ADGRL3: variants seen among roughly 807,000 people sequenced by gnomAD.
ADGRL3 encodes the protein calcium-independent alpha-latrotoxin receptor 3.
ADGRL3 carries 62 observed loss-of-function variants against 153.5 expected under a neutral mutation model. The observed-to-expected ratio is 0.40, with a 90% CI of 0.33 to 0.50. ADGRL3 has a LOEUF of 0.50. ADGRL3 is among the 20% of genes least tolerant of loss of function. The probability of loss-of-function intolerance (pLI) is 0.47; values close to 1 mark genes in which losing one functional copy is unlikely to be tolerated. For missense variants in ADGRL3, 1,641 were observed against 1,859.4 expected (o/e 0.88, Z 2.16); for synonymous variants, 710 against 672.5 (o/e 1.06, Z -0.86).
In ADGRL3 at chr4:62,071,957, A is replaced by G. The variant is rs971573350; in HGVS notation, c.*1049A>G. 11 of 249,280 alleles carry G rather than the reference A, an allele frequency of 4.4e-5. No homozygotes were observed. The highest frequency in any genetic ancestry group is 8.6e-5 in the Non-Finnish European group (11 of 127,170). The allele number at this position is 249,280 out of a possible 1,614,324, so 15.4% of individuals were successfully genotyped here. On this transcript the variant is annotated 3_prime_UTR_variant, in exon 27 of 27. Coordinates refer to ENST00000683033, the MANE Select transcript of ADGRL3 (RefSeq NM_001387552.1). ...GTTTTTTGCAAATTAGAGCAGGACA[A>G]ACTTTTATGTTTACAGGGCACGTCT...
rs533387166 is a variant in ADGRL3 at position 61,920,787 on chromosome 4, C to G, written c.2112+8030C>G. Among the ~76,000 whole-genome samples the G allele has an allele frequency of 1.5e-3, 228 of 152,166 alleles. 2 individuals are homozygous for G. Among genetic ancestry groups the G allele is most frequent in the South Asian group, 4.4e-3 (21 of 4,796 alleles). On this transcript the variant is annotated intron_variant, in intron 13 of 26. Transcript: ENST00000683033. The stretch of plus-strand genomic sequence containing the variant: ...GGATAAGTATCAGAAGGATTTGTCC[C>G]TTTTAGTACTTTCCAGGAGTCTCTC...
chr4:61,672,878 G>A (rs553823954), intron 5 of ADGRL3, among the ~76,000 whole-genome samples: 4 of 152,078 alleles, frequency 2.6e-5, no homozygotes, highest in Admixed American at 2.0e-4. Context: ...GTAGTCTCAC[G>A]TTCCTTGCAG....
At chr4:61,369,750 AG>A (rs2096483631) in intron 1 of ADGRL3, among the ~76,000 whole-genome samples, 9 of 152,190 alleles carry the variant, frequency 5.9e-5, no homozygotes, top group Admixed American at 5.9e-4. Context: ...TCATAAAATG[AG>A]TTAGGGAGGA....
intron 4 of ADGRL3, among the ~76,000 whole-genome samples, chr4:61,543,675 C>T (rs1415652258): frequency 6.6e-6 from 1 of 152,168 alleles, no homozygotes; most frequent in Non-Finnish European, 1.5e-5. Context: ...TCCAGTCTTA[C>T]TTTCAAAGTT....
chr4:61,992,863 T>G (rs2150995486), intron 19 of ADGRL3, among the ~76,000 whole-genome samples: 1 of 152,272 alleles, frequency 6.6e-6, no homozygotes, highest in African/African-American at 2.4e-5. Flanking sequence ...AGGCTATAAT[T>G]TTACTTTAAC....
In ADGRL3 at chr4:61,902,046, T is replaced by C. The variant is rs894731827; in HGVS notation, c.1887+6212T>C. The stretch of plus-strand genomic sequence containing the variant: ...TTGAGGCACATTCAACATATATGTA[T>C]ATTTTTATATGGAAATAAGATCATT... On this transcript the variant is annotated intron_variant, in intron 11 of 26. Transcript: ENST00000683033. Among the ~76,000 whole-genome samples the C allele has an allele frequency of 2.6e-5, 4 of 152,210 alleles. No homozygotes were observed. The South Asian group carries it at 6.2e-4, about 24-fold the overall frequency.
At chr4:61,689,093 A>G (rs1385368172) in intron 6 of ADGRL3, among the ~76,000 whole-genome samples, 1 of 152,126 alleles carries the variant, frequency 6.6e-6, no homozygotes, top group Non-Finnish European at 1.5e-5. Flanking sequence ...TTATTTTGTC[A>G]CTGAAATTTC....
At chr4:61,582,916 T>G (rs1205132029) in intron 4 of ADGRL3, among the ~76,000 whole-genome samples, 1 of 152,010 alleles carries the variant, frequency 6.6e-6, no homozygotes, top group Non-Finnish European at 1.5e-5. Context: ...CTAGAAACAC[T>G]CACTTAGCTA....
At chr4:61,923,291 T>G (rs1274006619) in intron 13 of ADGRL3, among the ~76,000 whole-genome samples, 1 of 152,222 alleles carries the variant, frequency 6.6e-6, no homozygotes, top group African/African-American at 2.4e-5. Context: ...TATCCTTGTG[T>G]AGATGATTTA....
chr4:61,364,105 G>A (rs562738195), intron 1 of ADGRL3, among the ~76,000 whole-genome samples: 1 of 151,906 alleles, frequency 6.6e-6, no homozygotes, highest in South Asian at 2.1e-4. Context: ...GCCAAGCCGG[G>A]TGGATCACAA....
chr4:61,417,516 T>C (rs957518278), intron 2 of ADGRL3, among the ~76,000 whole-genome samples: 1 of 146,540 alleles, frequency 6.8e-6, no homozygotes, highest in African/African-American at 2.5e-5. Context: ...AAAACAAACA[T>C]CAAACAAAAA....
At chr4:61,216,232 A>G (rs1742714071) in intron 1 of ADGRL3, among the ~76,000 whole-genome samples, 1 of 152,308 alleles carries the variant, frequency 6.6e-6, no homozygotes, top group South Asian at 2.1e-4. Flanking sequence ...AAGTGACATA[A>G]TGAAGATGTT....
At chr4:61,456,216 G>A (rs1015693631) in intron 2 of ADGRL3, among the ~76,000 whole-genome samples, 1 of 150,948 alleles carries the variant, frequency 6.6e-6, no homozygotes, top group Non-Finnish European at 1.5e-5. Flanking sequence ...ATAAAAAAGA[G>A]GATATATATG....
chr4:61,242,709 G>A (rs1330951373), intron 1 of ADGRL3, among the ~76,000 whole-genome samples: 1 of 151,998 alleles, frequency 6.6e-6, no homozygotes. Flanking sequence ...ACTGCCTTAA[G>A]GCTGTTGGCT....
chr4:61,978,928 A>G (rs1455008103), intron 17 of ADGRL3, among the ~76,000 whole-genome samples: 2 of 152,186 alleles, frequency 1.3e-5, no homozygotes, highest in Non-Finnish European at 2.9e-5. Context: ...GCTATTCAAT[A>G]TGAATATAAA....
intron 6 of ADGRL3, among the ~76,000 whole-genome samples, chr4:61,678,362 G>A (rs1249137948): frequency 6.6e-6 from 1 of 151,894 alleles, no homozygotes; most frequent in East Asian, 1.9e-4. Flanking sequence ...AAATATAAAA[G>A]CTGAAGTAAA....
intron 1 of ADGRL3, among the ~76,000 whole-genome samples, chr4:61,268,477 T>C (rs1422941114): frequency 1.3e-5 from 2 of 151,628 alleles, no homozygotes; most frequent in Non-Finnish European, 3.0e-5. Context: ...CTAATAAAGT[T>C]GTATAAGAAT....
intron 1 of ADGRL3, among the ~76,000 whole-genome samples, chr4:61,343,901 A>G (rs115935203): frequency 0.014 from 2,183 of 152,266 alleles, 64 homozygotes; most frequent in African/African-American, 0.05. Context: ...AGCATTATTT[A>G]CTTTTCATTT....
At chr4:61,603,328 A>G (rs1203274901) in intron 5 of ADGRL3, among the ~76,000 whole-genome samples, 4 of 152,172 alleles carry the variant, frequency 2.6e-5, no homozygotes, top group Non-Finnish European at 5.9e-5. Flanking sequence ...AATCGAAACT[A>G]TCAAACTCTT....
Sources: gnomAD v4.1 joint callset for allele counts (sites outside exome capture counted in the v4.1 genomes callset) on GRCh38, gnomAD v4.1.1 for gene constraint, MANE v1.5 for transcripts, NCBI Gene and HGNC (gene_info 2026-07-23, HGNC 2026-07-21) for gene names.